The following CPNE5 variants were observed in gnomAD, a reference collection of about 807,000 sequenced individuals.
The protein encoded by CPNE5 is copine 5.
CPNE5 carries 42 observed loss-of-function variants against 81.1 expected under a neutral mutation model. The observed-to-expected ratio is 0.52, with a 90% CI of 0.40 to 0.67. CPNE5 has a LOEUF of 0.67. Ranked by LOEUF, CPNE5 falls within the 30% of genes least tolerant of loss-of-function variation. The pLI is 0.00. For missense variants in CPNE5, 612 were observed against 815.5 expected, an observed-to-expected ratio of 0.75 and a Z score of 3.04; for synonymous variants, 313 against 321.5, an observed-to-expected ratio of 0.97 and a Z score of 0.28.
chr6:36,821,353 A>G (rs754740952), intron 3 of CPNE5, among the ~76,000 whole-genome samples: 3 of 152,088 alleles, frequency 2.0e-5, no homozygotes, highest in Non-Finnish European at 2.9e-5. Flanking sequence ...CTTTTGCACG[A>G]TGGGAGCCAC....
chr6:36,797,589 T>A (rs1218747796), intron 6 of CPNE5, among the ~76,000 whole-genome samples: 1 of 152,192 alleles, frequency 6.6e-6, no homozygotes, highest in Non-Finnish European at 1.5e-5. Context: ...GGCTGGTCCC[T>A]GAAGACATCA....
At chr6:36,831,730 G>T (rs969629944) in intron 1 of CPNE5, among the ~76,000 whole-genome samples, 2 of 151,120 alleles carry the variant, frequency 1.3e-5, no homozygotes, top group African/African-American at 4.9e-5. Flanking sequence ...TTCAGTTATT[G>T]GTACCTATTA....
chr6:36,770,994 C>T (rs1224387737), intron 10 of CPNE5, among the ~76,000 whole-genome samples: 1 of 152,084 alleles, frequency 6.6e-6, no homozygotes, highest in Non-Finnish European at 1.5e-5. Flanking sequence ...AAACGCTGAA[C>T]CATTATCCCT....
intron 3 of CPNE5, among the ~76,000 whole-genome samples, chr6:36,803,873 G>T (rs1231953985): frequency 6.6e-6 from 1 of 152,194 alleles, no homozygotes; most frequent in Non-Finnish European, 1.5e-5. Context: ...CTCAGTGGGT[G>T]GGGCCTGAAC....
intron 14 of CPNE5, among the ~76,000 whole-genome samples, chr6:36,749,307 A>G (rs977244020): frequency 6.6e-6 from 1 of 152,160 alleles, no homozygotes; most frequent in South Asian, 2.1e-4. Context: ...GGGGGAATGA[A>G]TAGATGAAAA....
At chr6:36,823,975 G>A (rs927326196) in intron 1 of CPNE5, among the ~76,000 whole-genome samples, 1 of 152,158 alleles carries the variant, frequency 6.6e-6, no homozygotes, top group Non-Finnish European at 1.5e-5. Flanking sequence ...TGCTGCCATT[G>A]GGAAGCAAGA....
intron 6 of CPNE5, among the ~76,000 whole-genome samples, chr6:36,795,298 C>A (rs1298809196): frequency 1.3e-5 from 2 of 152,228 alleles, no homozygotes; most frequent in Admixed American, 1.3e-4. Flanking sequence ...CCTGCCTCAG[C>A]CTCCCAGGTA....
intron 1 of CPNE5, 60 bp from the exon 2 acceptor site, chr6:36,823,158 G>C: frequency 1.4e-6 from 2 of 1,410,624 alleles, no homozygotes; most frequent in Non-Finnish European, 1.9e-6. Context: ...CGACCTCAGG[G>C]GATTCAGGCT....
At chr6:36,800,530 G>C (rs1770013148) in intron 3 of CPNE5, among the ~76,000 whole-genome samples, 1 of 152,184 alleles carries the variant, frequency 6.6e-6, no homozygotes, top group South Asian at 2.1e-4. Flanking sequence ...AATTAGGTGT[G>C]TACTTATTTG....
At chr6:36,781,694 G>A (rs1768048347) in intron 8 of CPNE5, among the ~76,000 whole-genome samples, 1 of 152,210 alleles carries the variant, frequency 6.6e-6, no homozygotes, top group Non-Finnish European at 1.5e-5. Flanking sequence ...CTCGCTGGCT[G>A]TATAAATTGT....
chr6:36,742,955 G>A (rs926016442), intron 20 of CPNE5: 23 of 985,288 alleles, frequency 2.3e-5, no homozygotes, highest in African/African-American at 1.6e-4. Context: ...GCTTCTTCCC[G>A]GGGGTGCCCT....
chr6:36,780,110 CCCG>C (rs779900963), intron 8 of CPNE5, among the ~76,000 whole-genome samples: 1 of 152,058 alleles, frequency 6.6e-6, no homozygotes, highest in Non-Finnish European at 1.5e-5. Flanking sequence ...ACTACAGGCG[CCCG>C]CCACCACACC....
chr6:36,821,184 A>G (rs1772015712), intron 3 of CPNE5, among the ~76,000 whole-genome samples: 1 of 142,860 alleles, frequency 7.0e-6, no homozygotes, highest in South Asian at 2.2e-4. Flanking sequence ...GTGGGAAAAG[A>G]GCATTCCAGG....
At chr6:36,757,584 G>A (rs1246710688) in intron 12 of CPNE5, among the ~76,000 whole-genome samples, 2 of 152,308 alleles carry the variant, frequency 1.3e-5, no homozygotes, top group East Asian at 3.9e-4. Context: ...CATTTATGGG[G>A]TGGGTGGAGA....
chr6:36,805,614 AG>A (rs1295068141), intron 3 of CPNE5, among the ~76,000 whole-genome samples: 2 of 152,082 alleles, frequency 1.3e-5, no homozygotes, highest in African/African-American at 4.8e-5. Flanking sequence ...CAGGAGGCTG[AG>A]TGACAGGGGA....
chr6:36,821,701 A>G, intron 3 of CPNE5, among the ~76,000 whole-genome samples: 1 of 152,174 alleles, frequency 6.6e-6, no homozygotes, highest in East Asian at 1.9e-4. Context: ...AAGTTTTCTG[A>G]GCAGGGAAAT....
chr6:36,745,072 C>T lies in CPNE5; in HGVS notation c.1407G>A (p.Ala469=), dbSNP rs778362111. ...CGTTGACAATGGCCTCCTTGGTCTG[C>T]GCCATGTCCGAGATGACCCCATCAG... ...IITDGVISDM[A]QTKEAIVNAA... The change falls in exon 18 of 21, where the codon GCG becomes GCA. Residue 469 remains alanine (A), a synonymous_variant. Coordinates refer to ENST00000244751, the MANE Select transcript of CPNE5 (RefSeq NM_020939.2). The T allele has an allele frequency of 9.7e-5, 157 of 1,613,778 alleles. No homozygotes were observed. In the East Asian group the frequency reaches 3.2e-3, roughly 33 times the overall value.
At position 36,746,355 on chromosome 6, in the gene CPNE5, C is replaced by G. The variant is rs745593129; in HGVS notation, c.1200+41G>C. Reference sequence around the variant, plus strand: ...CACCCCCAGCTTGTCACCTCACCCCCAGCCTGATCAGTCCTCTCTCCCACC... The same window carrying G: ...CACCCCCAGCTTGTCACCTCACCCCGAGCCTGATCAGTCCTCTCTCCCACC... On this transcript the variant is annotated intron_variant, in intron 16 of 20. Coordinates refer to ENST00000244751, the MANE Select transcript of CPNE5 (RefSeq NM_020939.2). The surrounding 1 kb of genome is among the most constrained non-coding windows in gnomAD (Gnocchi z 4.5). 2.6e-6 allele frequency: 4 copies of G among 1,554,512 alleles called. No homozygotes were observed. Among genetic ancestry groups the G allele is most frequent in the Non-Finnish European group, 3.5e-6 (4 of 1,148,148 alleles).
At chr6:36,792,168 C>G in intron 7 of CPNE5, 72 bp from the exon 8 acceptor site, 2 of 1,453,868 alleles carry the variant, frequency 1.4e-6, no homozygotes, top group Non-Finnish European at 1.9e-6. Flanking sequence ...CTCCCTCAAT[C>G]AGCCCCCTGC....
Sources: gnomAD v4.1 joint callset for allele counts (sites outside exome capture counted in the v4.1 genomes callset) on GRCh38, gnomAD v4.1.1 for gene constraint, Gnocchi (gnomAD v3.1) non-coding constraint, MANE v1.5 for transcripts, NCBI Gene and HGNC (gene_info 2026-07-23, HGNC 2026-07-21) for gene names.